KIFC1: variants seen among roughly 807,000 people sequenced by gnomAD.
KIFC1 encodes the protein kinesin-like protein KIFC1.
A neutral mutation model predicts 66.6 loss-of-function variants in KIFC1; 37 were observed. That is an observed-to-expected ratio of 0.56 (90% confidence interval 0.43 to 0.73). The LOEUF is 0.73. KIFC1 is among the 30% of genes least tolerant of loss of function. The pLI, the probability that KIFC1 is intolerant of heterozygous loss-of-function variation, is 0.00. For synonymous variants in KIFC1, 325 were observed against 343.5 expected, an observed-to-expected ratio of 0.95 and a Z score of 0.60; for missense variants, 721 against 859.8, an observed-to-expected ratio of 0.84 and a Z score of 2.02.
chr6:33,397,457 C>G (rs911564055), intron 1 of KIFC1, among the ~76,000 whole-genome samples: 25 of 151,982 alleles, frequency 1.6e-4, no homozygotes, highest in African/African-American at 6.0e-4. Context: ...GCCACCACAC[C>G]CAGCTAATTT....
intron 1 of KIFC1, 87 bp from the exon 2 acceptor site, chr6:33,397,942 T>G: frequency 7.0e-7 from 1 of 1,438,158 alleles, no homozygotes; most frequent in Non-Finnish European, 9.7e-7. Context: ...GTGGTGGTGT[T>G]GACAATTGAG....
At chr6:33,393,334 G>C (rs976278946) in intron 1 of KIFC1, among the ~76,000 whole-genome samples, 27 of 152,022 alleles carry the variant, frequency 1.8e-4, no homozygotes, top group African/African-American at 6.5e-4. Flanking sequence ...TCGTTGTGAG[G>C]ACTTTTACTC....
chr6:33,403,169 A>T lies in KIFC1; in HGVS notation c.251-145A>T. On this transcript the variant is annotated intron_variant, in intron 3 of 10. Transcript: ENST00000428849. The surrounding 1 kb of genome is among the most constrained non-coding windows in gnomAD (Gnocchi z 4.6). ...TGGTTCTAGGGGAGGTATCATTAGG[A>T]GCTGGCCAGACTTAGGGATAAGGGA... is the stretch of plus-strand genomic sequence containing the variant. 1 of 739,140 alleles carries T rather than the reference A, an allele frequency of 1.4e-6. No individual in the cohort carries two copies. The highest frequency in any genetic ancestry group is 2.5e-5 in the East Asian group (1 of 40,558). The allele number at this position is 739,140 out of a possible 1,614,324, so 45.8% of individuals were successfully genotyped here. A position where few individuals can be genotyped will look rare whatever the true frequency, so the allele number is the denominator to read the frequency against.
chr6:33,393,434 C>CTTTTT (rs71536188), intron 1 of KIFC1, among the ~76,000 whole-genome samples: 21 of 82,534 alleles, frequency 2.5e-4, no homozygotes, highest in African/African-American at 5.1e-4. Flanking sequence ...GCACCATTGC[C>CTTTTT]TTTTTTTTTT....
Position 33,404,844 on chromosome 6 carries a change from C to T in KIFC1, c.757-8C>T. ...CCCTCTGTGTATGTTGTGTTCTCTT[C>T]TGGGCAGAGGAGGCTGCAGACATCA... On this transcript the variant is annotated splice_region_variant and splice_polypyrimidine_tract_variant and intron_variant, in intron 6 of 10. Coordinates refer to ENST00000428849, the MANE Select transcript of KIFC1 (RefSeq NM_002263.4). This position sits in a 1 kb window ranked among gnomAD's most constrained non-coding sequence, Gnocchi z 4.0. 1 of 1,597,330 alleles carries T rather than the reference C, an allele frequency of 6.3e-7. No individual in the cohort carries two copies. Among genetic ancestry groups the T allele is most frequent in the South Asian group, 1.1e-5 (1 of 88,480 alleles).
In KIFC1 at chr6:33,403,808, C is replaced by A; in HGVS notation, c.435C>A (p.Asp145Glu). Residue 145 changes from aspartate to glutamate, a missense_variant, in exon 6 of 11, where the codon GAC becomes GAA. Physicochemically the swap from Asp to Glu is conservative, Grantham distance 45. Transcript: ENST00000428849. The surrounding 1 kb of genome is among the most constrained non-coding windows in gnomAD (Gnocchi z 4.6). ...PAWDLKGQLC[D>E]LNAELKRCRE... is the part of the protein sequence containing the mutation. Reference sequence around the variant, plus strand: ...GGGACTTAAAGGGTCAGTTATGTGACCTAAATGCAGAACTAAAACGGTGCC... The same window carrying A: ...GGGACTTAAAGGGTCAGTTATGTGAACTAAATGCAGAACTAAAACGGTGCC... The A allele has an allele frequency of 6.2e-7, 1 of 1,614,196 alleles. No individual in the cohort carries two copies. The highest frequency in any genetic ancestry group is 8.5e-7 in the Non-Finnish European group (1 of 1,180,038).
chr6:33,407,186 A>C (rs1775710318), intron 10 of KIFC1: 3 of 703,306 alleles, frequency 4.3e-6, no homozygotes, highest in Admixed American at 4.0e-5. Context: ...AGGCAGGAGG[A>C]TTGCTTGAGC....
At chr6:33,392,122 G>T (rs1774817594) in intron 1 of KIFC1, 125 bp downstream of exon 1, 1 of 1,097,718 alleles carries the variant, frequency 9.1e-7, no homozygotes, top group Non-Finnish European at 1.3e-6. Flanking sequence ...GAAGGTCCGT[G>T]CGCCCCCGCA....
intron 1 of KIFC1, among the ~76,000 whole-genome samples, chr6:33,393,782 C>CT (rs1451454376): frequency 7.0e-6 from 1 of 143,496 alleles, no homozygotes; most frequent in African/African-American, 2.6e-5. Flanking sequence ...TAGTCACGCT[C>CT]TGTCGCCAGC....
Position 33,404,880 on chromosome 6 carries a change from T to TGTCAAGCA in KIFC1, c.787_794dup (p.Glu268AlafsTer19), listed in dbSNP as rs777154800. The TGTCAAGCA allele has an allele frequency of 2.5e-6, 4 of 1,612,796 alleles. No individual in the cohort carries two copies. The highest frequency in any genetic ancestry group is 2.7e-5 in the African/African-American group (2 of 74,890). Reference sequence around the variant, plus strand: ...AGGCTGCAGACATCAGAAGCAGCCCTGTCAAGCAGCCAAGCAGAGGTGGCA... The same window carrying TGTCAAGCA: ...AGGCTGCAGACATCAGAAGCAGCCCTGTCAAGCAGTCAAGCAGCCAAGCAGAGGTGGCA... On this transcript the variant is annotated frameshift_variant, in exon 7 of 11. Coordinates refer to ENST00000428849, the MANE Select transcript of KIFC1 (RefSeq NM_002263.4). LOFTEE classifies it high-confidence loss of function. The surrounding 1 kb of genome is among the most constrained non-coding windows in gnomAD (Gnocchi z 4.0).
intron 2 of KIFC1, 41 bp downstream of exon 2, chr6:33,398,207 G>A (rs1216181237): frequency 6.2e-7 from 1 of 1,613,406 alleles, no homozygotes; most frequent in African/African-American, 1.3e-5. Flanking sequence ...TGTGGGGGGT[G>A]TGTGTGTGTG....
At chr6:33,395,183 T>C (rs1277951887) in intron 1 of KIFC1, among the ~76,000 whole-genome samples, 1 of 152,186 alleles carries the variant, frequency 6.6e-6, no homozygotes, top group Non-Finnish European at 1.5e-5. Context: ...CCACGATGAA[T>C]ACACTAGAGG....
Position 33,398,161 on chromosome 6 carries a change from G to T in KIFC1, c.145G>T (p.Glu49Ter), listed in dbSNP as rs762466488. The T allele has an allele frequency of 6.2e-7, 1 of 1,614,210 alleles. No individual in the cohort carries two copies. The highest frequency in any genetic ancestry group is 1.1e-5 in the South Asian group (1 of 91,086). Residue 49 changes from glutamate to a stop codon, truncating the protein, a stop_gained, in exon 2 of 11, where the codon GAG (glutamate) becomes TAG (stop). Transcript: ENST00000428849. LOFTEE classifies it high-confidence loss of function. ...CCAGATGGAAGATGGCCTGGAGCCT[G>T]AGAAGGTGAGCTGGGCATGGAGAGC... Reference protein sequence around the residue: ...PDQMEDGLEPEKKRTRGLGAT... With the variant: ...PDQMEDGLEP
rs867750589 is a variant in KIFC1 at position 33,401,335 on chromosome 6, C to G, written c.251-1979C>G. ...ATTTTTAGTAGAGATGGGGTTTCAC[C>G]GTATTAGTCAGGATGGTCTCGATCT... On this transcript the variant is annotated intron_variant, in intron 3 of 10. Transcript: ENST00000428849. This position sits in a 1 kb window ranked among gnomAD's most constrained non-coding sequence, Gnocchi z 4.5. Among the ~76,000 whole-genome samples, 1 of 151,688 alleles carries G rather than the reference C, an allele frequency of 6.6e-6. No homozygotes were observed. The highest frequency in any genetic ancestry group is 2.4e-5 in the African/African-American group (1 of 41,264).
At chr6:33,393,870 C>A (rs1017646662) in intron 1 of KIFC1, among the ~76,000 whole-genome samples, 4 of 151,894 alleles carry the variant, frequency 2.6e-5, no homozygotes, top group Admixed American at 6.6e-5. Flanking sequence ...CCTCAGCCTC[C>A]CGAGTAGCTG....
chr6:33,400,366 A>G lies in KIFC1; in HGVS notation c.250+1979A>G, dbSNP rs753768723. 5.1e-5 allele frequency: 82 copies of G among 1,595,676 alleles called. No individual in the cohort carries two copies. The East Asian group carries it at 1.4e-3, about 26-fold the overall frequency. On this transcript the variant is annotated intron_variant, in intron 3 of 10. Transcript: ENST00000428849. This position sits in a 1 kb window ranked among gnomAD's most constrained non-coding sequence, Gnocchi z 4.3. Reference sequence around the variant, plus strand: ...CTCAATCTGGGCCTGTCTGTTCTCAATGGTCAGTTTCACTGTAATCCTCAG... The same window carrying G: ...CTCAATCTGGGCCTGTCTGTTCTCAGTGGTCAGTTTCACTGTAATCCTCAG...
At chr6:33,402,449 T>C (rs211464) in intron 3 of KIFC1, among the ~76,000 whole-genome samples, 141,561 of 152,286 alleles carry the variant, frequency 0.93, 65,918 homozygotes, top group East Asian at 1. Context: ...CGGCTGGATG[T>C]GGTGGCTCAC....
At chr6:33,398,946 C>A (rs1775233813) in intron 3 of KIFC1, among the ~76,000 whole-genome samples, 1 of 152,194 alleles carries the variant, frequency 6.6e-6, no homozygotes, top group Non-Finnish European at 1.5e-5. Flanking sequence ...TATACTCCCC[C>A]ACCTTTTTTA....
chr6:33,407,033 G>T, intron 10 of KIFC1, 158 bp downstream of exon 10: 1 of 1,419,914 alleles, frequency 7.0e-7, no homozygotes, highest in Non-Finnish European at 9.2e-7. Context: ...TTAATTATTA[G>T]CTTTTGAGTT....
Sources: gnomAD v4.1 joint callset for allele counts (sites outside exome capture counted in the v4.1 genomes callset) on GRCh38, gnomAD v4.1.1 for gene constraint, Gnocchi (gnomAD v3.1) non-coding constraint, MANE v1.5 for transcripts, NCBI Gene and HGNC (gene_info 2026-07-23, HGNC 2026-07-21) for gene names.